The following NFKB1 variants were observed in gnomAD, a reference collection of about 807,000 sequenced individuals.
The protein encoded by NFKB1 is nuclear factor kappa B subunit 1.
NFKB1 carries 9 observed loss-of-function variants against 105.1 expected under a neutral mutation model. That is an observed-to-expected ratio of 0.09 (90% CI 0.05 to 0.15). The LOEUF (loss-of-function observed/expected upper bound fraction) is 0.15, where lower values mean the gene tolerates loss of function less well. Among genes scored for constraint, NFKB1 ranks in the 10% least tolerant of loss-of-function variants. NFKB1 has a pLI of 1.00. For synonymous variants in NFKB1, 440 were observed against 442.2 expected, an observed-to-expected ratio of 1.00 and a Z score of 0.06; for missense variants, 830 against 1,203.7, an observed-to-expected ratio of 0.69 and a Z score of 4.59.
chr4:102,586,246 C>T (rs1725703752), intron 11 of NFKB1, among the ~76,000 whole-genome samples: 1 of 152,036 alleles, frequency 6.6e-6, no homozygotes, highest in African/African-American at 2.4e-5. Flanking sequence ...GCCTAGAGGT[C>T]GGAGGTGTAG....
At chr4:102,588,257 A>G (rs1310855825) in intron 11 of NFKB1, among the ~76,000 whole-genome samples, 1 of 152,146 alleles carries the variant, frequency 6.6e-6, no homozygotes, top group African/African-American at 2.4e-5. Context: ...TCATCAGGTA[A>G]GACATTATAC....
At chr4:102,566,124 C>T (rs1208488066) in intron 5 of NFKB1, among the ~76,000 whole-genome samples, 1 of 152,158 alleles carries the variant, frequency 6.6e-6, no homozygotes, top group Non-Finnish European at 1.5e-5. Context: ...CAGTCTACTA[C>T]AGGGGCTAGG....
At chr4:102,613,655 T>C in intron 23 of NFKB1, 74 bp downstream of exon 23, 1 of 1,504,464 alleles carries the variant, frequency 6.6e-7, no homozygotes, top group Admixed American at 2.1e-5. Context: ...TCTTTTTGGA[T>C]ATGGTGTGGC....
At chr4:102,516,800 G>A (rs116299070) in intron 1 of NFKB1, among the ~76,000 whole-genome samples, 207 of 152,158 alleles carry the variant, frequency 1.4e-3, no homozygotes, top group African/African-American at 4.8e-3. Context: ...TTTAAAACGT[G>A]TTGAGCTTTG....
intron 22 of NFKB1, 110 bp from the exon 23 acceptor site, chr4:102,613,315 C>A: frequency 1.8e-6 from 2 of 1,120,648 alleles, no homozygotes; most frequent in Non-Finnish European, 2.6e-6. Context: ...CCTCCTGGCT[C>A]CTGAGTGGAG....
At chr4:102,505,491 A>G (rs1739362551) in intron 1 of NFKB1, among the ~76,000 whole-genome samples, 1 of 152,168 alleles carries the variant, frequency 6.6e-6, no homozygotes. Flanking sequence ...ATTTGGTTTA[A>G]TTATCCATTA....
intron 5 of NFKB1, 92 bp downstream of exon 5, chr4:102,538,048 C>T (rs940655058): frequency 1.3e-6 from 1 of 773,770 alleles, no homozygotes. Context: ...GTACGGGTTG[C>T]CTTCGCTCCT....
intron 16 of NFKB1, among the ~76,000 whole-genome samples, chr4:102,605,294 A>C (rs969910398): frequency 6.6e-6 from 1 of 152,176 alleles, no homozygotes; most frequent in Non-Finnish European, 1.5e-5. Context: ...GCAAAAAAAA[A>C]GGGTCTTGTA....
At chr4:102,592,452 G>A (rs985242633) in intron 11 of NFKB1, among the ~76,000 whole-genome samples, 1 of 152,162 alleles carries the variant, frequency 6.6e-6, no homozygotes. Flanking sequence ...TTATCAGTCA[G>A]CAGCCATCAA....
chr4:102,502,413 C>T (rs1455651517), intron 1 of NFKB1, among the ~76,000 whole-genome samples: 1 of 150,608 alleles, frequency 6.6e-6, no homozygotes, highest in East Asian at 2.0e-4. Context: ...CACACACACA[C>T]ACACACACAC....
chr4:102,555,577 G>A (rs1722927912), intron 5 of NFKB1, among the ~76,000 whole-genome samples: 1 of 152,178 alleles, frequency 6.6e-6, no homozygotes, highest in Non-Finnish European at 1.5e-5. Context: ...ATTTCTAAGA[G>A]TCGGCTAGTT....
intron 1 of NFKB1, among the ~76,000 whole-genome samples, chr4:102,512,750 C>T (rs750693005): frequency 7.2e-5 from 11 of 152,306 alleles, no homozygotes; most frequent in East Asian, 5.8e-4. Flanking sequence ...TATGTGTAAT[C>T]GGAAGGCCTT....
chr4:102,566,077 G>A (rs1275760772), intron 5 of NFKB1, among the ~76,000 whole-genome samples: 1 of 152,144 alleles, frequency 6.6e-6, no homozygotes, highest in Non-Finnish European at 1.5e-5. Flanking sequence ...TTATGTTAGT[G>A]TGACTTTAGT....
chr4:102,513,785 C>T (rs770278511), intron 1 of NFKB1, among the ~76,000 whole-genome samples: 16 of 152,178 alleles, frequency 1.1e-4, no homozygotes, highest in Non-Finnish European at 2.1e-4. Context: ...ATAACATATT[C>T]CGCATGCTTT....
intron 6 of NFKB1, among the ~76,000 whole-genome samples, chr4:102,574,512 C>T (rs1307621816): frequency 6.6e-6 from 1 of 152,100 alleles, no homozygotes; most frequent in South Asian, 2.1e-4. Flanking sequence ...CGGTACTCTG[C>T]TTGTGAGTTT....
chr4:102,517,573 T>C (rs1261590532), intron 1 of NFKB1, among the ~76,000 whole-genome samples: 5 of 152,198 alleles, frequency 3.3e-5, no homozygotes, highest in African/African-American at 9.7e-5. Context: ...ATGATAAATA[T>C]ATAGGTAAAG....
At chr4:102,542,565 C>T (rs908660817) in intron 5 of NFKB1, among the ~76,000 whole-genome samples, 1 of 152,148 alleles carries the variant, frequency 6.6e-6, no homozygotes, top group Non-Finnish European at 1.5e-5. Context: ...CCCCACTTAT[C>T]CATCACTTTG....
rs147553814 is a variant in NFKB1 at position 102,516,768 on chromosome 4, G to C, written c.-7-8744G>C. ...ATTATGTTTTATTGTACATTGTGGA[G>C]AGTTTGGGTTTTTTGTCTTCCTTTA... On this transcript the variant is annotated intron_variant, in intron 1 of 23. Coordinates refer to ENST00000226574, the MANE Select transcript of NFKB1 (RefSeq NM_003998.4). 3.1e-3 allele frequency among the ~76,000 whole-genome samples: 478 copies of C among 152,166 alleles called. 5 individuals carry two copies. The highest frequency in any genetic ancestry group is 0.011 in the African/African-American group (454 of 41,498).
Position 102,596,337 on chromosome 4 carries a change from G to C in NFKB1, c.1495+5G>C. Reference sequence around the variant, plus strand: ...AAGAGAGTGCTGGAGTTCAGGGTAAGTGAGCACACAAATTACGTTCTGTTG... The same window carrying C: ...AAGAGAGTGCTGGAGTTCAGGGTAACTGAGCACACAAATTACGTTCTGTTG... On this transcript the variant is annotated splice_donor_5th_base_variant and intron_variant, in intron 14 of 23. Coordinates refer to ENST00000226574, the MANE Select transcript of NFKB1 (RefSeq NM_003998.4). The C allele has an allele frequency of 6.3e-7, 1 of 1,596,668 alleles. No individual in the cohort carries two copies. The highest frequency in any genetic ancestry group is 8.6e-7 in the Non-Finnish European group (1 of 1,168,448).
Sources: gnomAD v4.1 joint callset for allele counts (sites outside exome capture counted in the v4.1 genomes callset) on GRCh38, gnomAD v4.1.1 for gene constraint, MANE v1.5 for transcripts, NCBI Gene and HGNC (gene_info 2026-07-23, HGNC 2026-07-21) for gene names.